The following SHROOM3 variants were observed in gnomAD, a reference collection of about 807,000 sequenced individuals.
The protein encoded by SHROOM3 is shroom family member 3.
SHROOM3 carries 47 observed loss-of-function variants against 138.6 expected under a neutral mutation model. That is an observed-to-expected ratio of 0.34 (90% CI 0.27 to 0.43). The LOEUF (loss-of-function observed/expected upper bound fraction) is 0.43. SHROOM3 is among the 20% of genes least tolerant of loss of function. The pLI is 1.00. For missense variants in SHROOM3, 2,491 were observed against 2,596.5 expected, an observed-to-expected ratio of 0.96 and a Z score of 0.88; for synonymous variants, 1,062 against 1,063.3, an observed-to-expected ratio of 1.00 and a Z score of 0.02.
At chr4:76,768,100 CT>C (rs1195864977) in intron 9 of SHROOM3, among the ~76,000 whole-genome samples, 1 of 152,186 alleles carries the variant, frequency 6.6e-6, no homozygotes, top group East Asian at 1.9e-4. Flanking sequence ...GAAATGTACC[CT>C]TCGAGTTAAA....
In SHROOM3 at chr4:76,740,038, T is replaced by TC; in HGVS notation, c.1866dup (p.Ser623LeufsTer48). Reference sequence around the variant, plus strand: ...GGTGAAGACAAGAGATCTTCCAGGCTCTCAGAGCCCTGGGAGGGCGATTTC... The same window carrying TC: ...GGTGAAGACAAGAGATCTTCCAGGCTCCTCAGAGCCCTGGGAGGGCGATTTC... On this transcript the variant is annotated frameshift_variant, in exon 5 of 11. Transcript: ENST00000296043. LOFTEE classifies it high-confidence loss of function. This position sits in a 1 kb window ranked among gnomAD's most constrained non-coding sequence, Gnocchi z 4.0. The TC allele has an allele frequency of 6.2e-7, 1 of 1,613,852 alleles. No individual in the cohort carries two copies. The highest frequency in any genetic ancestry group is 1.3e-5 in the African/African-American group (1 of 75,046).
intron 1 of SHROOM3, among the ~76,000 whole-genome samples, chr4:76,488,094 T>A (rs1425077639): frequency 6.6e-6 from 1 of 152,184 alleles, no homozygotes; most frequent in Non-Finnish European, 1.5e-5. Flanking sequence ...GCTTCTAGTA[T>A]TGTGCTATTG....
At chr4:76,637,746 C>T (rs1353872761) in intron 2 of SHROOM3, 1 of 152,194 alleles carries the variant, frequency 6.6e-6, no homozygotes, top group Non-Finnish European at 1.5e-5. Flanking sequence ...TCAGTCGAAA[C>T]TTTTCAATTG....
intron 2 of SHROOM3, among the ~76,000 whole-genome samples, chr4:76,624,588 A>G (rs945405425): frequency 1.3e-5 from 2 of 152,120 alleles, no homozygotes; most frequent in Non-Finnish European, 2.9e-5. Flanking sequence ...ACTACACGTG[A>G]ATACTGGTAT....
intron 2 of SHROOM3, among the ~76,000 whole-genome samples, chr4:76,679,954 C>T (rs1223651875): frequency 6.6e-6 from 1 of 152,182 alleles, no homozygotes; most frequent in Non-Finnish European, 1.5e-5. Context: ...CCTTCACATA[C>T]CAAGCACACT....
chr4:76,520,416 C>T (rs1365004327), intron 1 of SHROOM3, among the ~76,000 whole-genome samples: 1 of 151,344 alleles, frequency 6.6e-6, no homozygotes, highest in Non-Finnish European at 1.5e-5. Flanking sequence ...GCCAGGTGTT[C>T]TAAGCTATAT....
chr4:76,456,152 A>C (rs1420612697), intron 1 of SHROOM3, among the ~76,000 whole-genome samples: 1 of 152,098 alleles, frequency 6.6e-6, no homozygotes, highest in Non-Finnish European at 1.5e-5. Context: ...AATTACAGGC[A>C]TGTGTCACCA....
chr4:76,507,139 C>A (rs1483281874), intron 1 of SHROOM3, among the ~76,000 whole-genome samples: 7 of 152,022 alleles, frequency 4.6e-5, no homozygotes, highest in Non-Finnish European at 1.0e-4. Context: ...CTTTATGCAA[C>A]AAGGAAGAAG....
At chr4:76,523,334 T>A (rs960044261) in intron 1 of SHROOM3, among the ~76,000 whole-genome samples, 3 of 152,208 alleles carry the variant, frequency 2.0e-5, no homozygotes, top group African/African-American at 7.2e-5. Flanking sequence ...AAAGACCCAA[T>A]TTCCAAGTAA....
intron 1 of SHROOM3, among the ~76,000 whole-genome samples, chr4:76,441,092 T>TGTTTTTTG (rs199716080): frequency 7.6e-6 from 1 of 131,600 alleles, no homozygotes; most frequent in African/African-American, 2.8e-5. Flanking sequence ...ATTTGTTTTT[T>TGTTTTTTG]TTTTTTTTTT....
chr4:76,708,987 C>T (rs914090367), intron 2 of SHROOM3, among the ~76,000 whole-genome samples: 1 of 152,214 alleles, frequency 6.6e-6, no homozygotes, highest in Non-Finnish European at 1.5e-5. Flanking sequence ...TTAGATATAA[C>T]TAAGGTAAAC....
chr4:76,620,643 A>G (rs1333933602), intron 2 of SHROOM3, among the ~76,000 whole-genome samples: 1 of 152,142 alleles, frequency 6.6e-6, no homozygotes, highest in Non-Finnish European at 1.5e-5. Context: ...CCGTTTGGAC[A>G]AACTTGAAAG....
intron 3 of SHROOM3, among the ~76,000 whole-genome samples, chr4:76,717,074 T>C (rs190421824): frequency 4.7e-4 from 72 of 152,358 alleles, no homozygotes; most frequent in African/African-American, 1.7e-3. Context: ...TTTCAACACT[T>C]TTGAAGAATA....
chr4:76,640,921 C>G (rs1735649014), intron 2 of SHROOM3, among the ~76,000 whole-genome samples: 1 of 152,104 alleles, frequency 6.6e-6, no homozygotes, highest in African/African-American at 2.4e-5. Context: ...TGAAACCAAG[C>G]AGTGGGTCAA....
rs748314918 is a variant in SHROOM3 at position 76,779,018 on chromosome 4, G to A, written c.5832G>A (p.Leu1944=). ...GGAAGCTGGATGACAAGATCAAGCT[G>A]GGCCAGGAGCAGGTCAAGTGTCTGC... ...EQRKLDDKIK[L]GQEQVKCLLE... is the part of the protein sequence containing the mutation. Residue 1944 remains leucine (L), a synonymous_variant, in exon 11 of 11, where the codon CTG becomes CTA. Coordinates refer to ENST00000296043, the MANE Select transcript of SHROOM3 (RefSeq NM_020859.4). 3.1e-6 allele frequency: 5 copies of A among 1,614,094 alleles called. No individual in the cohort carries two copies. The highest frequency in any genetic ancestry group is 4.5e-5 in the East Asian group (2 of 44,898).
At chr4:76,732,460 A>G (rs1421027526) in intron 4 of SHROOM3, among the ~76,000 whole-genome samples, 1 of 152,204 alleles carries the variant, frequency 6.6e-6, no homozygotes, top group African/African-American at 2.4e-5. Flanking sequence ...CTCTCTCAGC[A>G]TATCAGGGTA....
At chr4:76,584,929 A>G (rs1291698087) in intron 2 of SHROOM3, among the ~76,000 whole-genome samples, 1 of 152,106 alleles carries the variant, frequency 6.6e-6, no homozygotes, top group East Asian at 1.9e-4. Context: ...TTGAAAGATG[A>G]TTCTGTGCCC....
At chr4:76,503,620 G>A (rs758780044) in intron 1 of SHROOM3, among the ~76,000 whole-genome samples, 1 of 152,042 alleles carries the variant, frequency 6.6e-6, no homozygotes, top group African/African-American at 2.4e-5. Context: ...GTGGAGACAG[G>A]GTTTCACCAT....
chr4:76,580,198 G>C (rs1247379129), intron 2 of SHROOM3, among the ~76,000 whole-genome samples: 1 of 152,206 alleles, frequency 6.6e-6, no homozygotes, highest in Non-Finnish European at 1.5e-5. Flanking sequence ...CTGCTGGCTG[G>C]CGCCATTCAA....
Sources: allele counts gnomAD v4.1 joint callset (sites outside exome capture counted in the v4.1 genomes callset), GRCh38; gene constraint gnomAD v4.1.1; non-coding constraint Gnocchi (gnomAD v3.1); transcripts MANE v1.5; gene names NCBI Gene and HGNC (gene_info 2026-07-23, HGNC 2026-07-21).